XYLT1: variants seen among roughly 807,000 people sequenced by gnomAD.
XYLT1 encodes the protein beta-D-xylosyltransferase 1.
A neutral mutation model predicts 91.3 loss-of-function variants in XYLT1; 36 were observed. The ratio of observed to expected loss-of-function variants is 0.39; its 90% CI spans 0.30 to 0.52. The LOEUF (loss-of-function observed/expected upper bound fraction) is 0.52. XYLT1 is among the 20% of genes least tolerant of loss of function. The pLI is 0.68. For missense variants in XYLT1, 1,242 were observed against 1,284.5 expected (o/e 0.97, Z 0.51); for synonymous variants, 588 against 532.0 (o/e 1.11, Z -1.45).
Position 17,259,227 on chromosome 16 carries a change from G to A in XYLT1, c.674C>T (p.Ala225Val). The change falls in exon 3 of 12, where the codon GCC becomes GTC. Residue 225 changes from alanine (A) to valine (V), a missense_variant. This residue lies in a region of XYLT1 where 437 missense variants were observed against 411.5 expected (regional missense o/e 1.06). Coordinates refer to ENST00000261381, the MANE Select transcript of XYLT1 (RefSeq NM_022166.4). ...EVLPPGDRAA[A>V]NSSHGKDVSR... ...CACATCCTTCCCGTGGCTGCTGTTG[G>A]CTGCGGCTCTGTCCCCGGGAGGCAG... The A allele has an allele frequency of 6.2e-7, 1 of 1,614,032 alleles. No homozygotes were observed. Among genetic ancestry groups the A allele is most frequent in the Non-Finnish European group, 8.5e-7 (1 of 1,179,984 alleles).
At chr16:17,332,967 T>G (rs972128450) in intron 2 of XYLT1, among the ~76,000 whole-genome samples, 7 of 152,020 alleles carry the variant, frequency 4.6e-5, no homozygotes, top group East Asian at 1.9e-4. Context: ...CAGGAAGAGG[T>G]GACGGCACAG....
At chr16:17,151,977 A>T (rs73531345) in intron 6 of XYLT1, among the ~76,000 whole-genome samples, 3,814 of 152,270 alleles carry the variant, frequency 0.025, 186 homozygotes, top group African/African-American at 0.087. Context: ...GGCTCACGTC[A>T]CTGAATCAGC....
intron 2 of XYLT1, among the ~76,000 whole-genome samples, chr16:17,276,017 G>T (rs1051850498): frequency 2.6e-5 from 4 of 152,182 alleles, no homozygotes; most frequent in Non-Finnish European, 5.9e-5. Context: ...CACAAACCCA[G>T]TTAATTTCTA....
rs771395256 is a variant in XYLT1 at position 17,201,597 on chromosome 16, C to CT, written c.914-944_914-943insA. 3.3e-3 allele frequency among the ~76,000 whole-genome samples: 494 copies of CT among 151,876 alleles called. 5 individuals carry two copies. The highest frequency in any genetic ancestry group is 7.5e-3 in the Admixed American group (114 of 15,252). Reference sequence around the variant, plus strand: ...TCAAGTGATTTTCCTGCCTGAGCCTCCTGAGTAGCTGAGATTACAGGCACG... The same window carrying CT: ...TCAAGTGATTTTCCTGCCTGAGCCTCTCTGAGTAGCTGAGATTACAGGCACG... On this transcript the variant is annotated intron_variant, in intron 3 of 11. Coordinates refer to ENST00000261381, the MANE Select transcript of XYLT1 (RefSeq NM_022166.4).
intron 2 of XYLT1, among the ~76,000 whole-genome samples, chr16:17,280,119 G>A (rs1188021508): frequency 1.3e-5 from 2 of 152,230 alleles, no homozygotes; most frequent in East Asian, 3.8e-4. Context: ...GGGAGGCCAA[G>A]GCAGGCAGAT....
intron 5 of XYLT1, among the ~76,000 whole-genome samples, chr16:17,161,431 C>A (rs2031548419): frequency 6.6e-6 from 1 of 152,120 alleles, no homozygotes; most frequent in Non-Finnish European, 1.5e-5. Flanking sequence ...GGGGGGACCC[C>A]TGCCTACCCC....
intron 3 of XYLT1, among the ~76,000 whole-genome samples, chr16:17,257,864 G>A (rs1016718426): frequency 2.0e-5 from 3 of 152,192 alleles, no homozygotes; most frequent in African/African-American, 2.4e-5. Flanking sequence ...AGCACACAGC[G>A]AAGCCTCAGC....
chr16:17,403,422 G>A (rs1486774717), intron 1 of XYLT1: 2 of 152,158 alleles, frequency 1.3e-5, no homozygotes, highest in Admixed American at 1.3e-4. Context: ...AATTTATCAA[G>A]AAAAAAAGGT....
intron 3 of XYLT1, among the ~76,000 whole-genome samples, chr16:17,244,100 A>AT (rs2033395380): frequency 6.6e-6 from 1 of 152,186 alleles, no homozygotes; most frequent in African/African-American, 2.4e-5. Flanking sequence ...GCTCAGTAGC[A>AT]TTGGTTGCAA....
chr16:17,416,582 C>T (rs1195737995), intron 1 of XYLT1, among the ~76,000 whole-genome samples: 3 of 152,184 alleles, frequency 2.0e-5, no homozygotes, highest in Non-Finnish European at 2.9e-5. Flanking sequence ...CCACGCACAT[C>T]GGCAGACTCT....
chr16:17,219,308 G>GA (rs1180237821), intron 3 of XYLT1, among the ~76,000 whole-genome samples: 3 of 135,160 alleles, frequency 2.2e-5, no homozygotes, highest in Non-Finnish European at 4.7e-5. Flanking sequence ...AAAAGAAAAA[G>GA]AAAAAAAAAG....
intron 5 of XYLT1, among the ~76,000 whole-genome samples, chr16:17,188,326 G>A (rs184308602): frequency 6.6e-6 from 1 of 152,312 alleles, no homozygotes; most frequent in East Asian, 1.9e-4. Flanking sequence ...CTCACAGACT[G>A]AGGCTTTAGT....
At chr16:17,466,555 C>T (rs1312368842) in intron 1 of XYLT1, among the ~76,000 whole-genome samples, 1 of 152,244 alleles carries the variant, frequency 6.6e-6, no homozygotes, top group African/African-American at 2.4e-5. Context: ...TAAATAAGAA[C>T]TTACGCCATG....
At chr16:17,288,714 C>T (rs935624681) in intron 2 of XYLT1, among the ~76,000 whole-genome samples, 11 of 152,130 alleles carry the variant, frequency 7.2e-5, no homozygotes, top group South Asian at 2.1e-4. Context: ...TGAGAGACCA[C>T]GTGGAGGCGA....
intron 8 of XYLT1, among the ~76,000 whole-genome samples, chr16:17,137,865 C>CTAAGCATCCTACCCATGCATGG (rs2030802368): frequency 6.6e-6 from 1 of 152,196 alleles, no homozygotes; most frequent in Non-Finnish European, 1.5e-5. Flanking sequence ...AGAGGTGCTG[C>CTAAGCATCCTACCCATGCATGG]TAAGCATCCT....
At chr16:17,448,690 G>C (rs984846031) in intron 1 of XYLT1, among the ~76,000 whole-genome samples, 3 of 36,304 alleles carry the variant, frequency 8.3e-5, no homozygotes, top group Admixed American at 7.0e-4. Context: ...GGAGGTGGAG[G>C]GGGGAGGAGG....
chr16:17,261,176 G>A (rs1036528906), intron 2 of XYLT1, among the ~76,000 whole-genome samples: 1 of 151,298 alleles, frequency 6.6e-6, no homozygotes, highest in African/African-American at 2.4e-5. Context: ...CTGGGAGGCG[G>A]AGGTTGCAGT....
At chr16:17,206,464 C>T (rs1207788201) in intron 3 of XYLT1, among the ~76,000 whole-genome samples, 1 of 152,106 alleles carries the variant, frequency 6.6e-6, no homozygotes, top group African/African-American at 2.4e-5. Context: ...ATTCAAATTC[C>T]TGCTTCTGCT....
intron 1 of XYLT1, among the ~76,000 whole-genome samples, chr16:17,465,065 A>T (rs1392760033): frequency 7.5e-6 from 1 of 133,982 alleles, no homozygotes; most frequent in Non-Finnish European, 1.5e-5. Flanking sequence ...AATTGCTTGA[A>T]CCTAGGAGGC....
Sources: allele counts gnomAD v4.1 joint callset (sites outside exome capture counted in the v4.1 genomes callset), GRCh38; gene constraint gnomAD v4.1.1; regional missense constraint gnomAD v4.1.1; transcripts MANE v1.5; gene names NCBI Gene and HGNC (gene_info 2026-07-23, HGNC 2026-07-21).